Variants in DMD observed in about 807,000 individuals in gnomAD.
DMD encodes the protein mutant dystrophin.
A neutral mutation model predicts 330.1 loss-of-function variants in DMD; 63 were observed. That is an observed-to-expected ratio of 0.19 (90% CI 0.16 to 0.24). The LOEUF (loss-of-function observed/expected upper bound fraction) is 0.24, where lower values mean the gene tolerates loss of function less well. Among genes scored for constraint, DMD ranks in the 10% least tolerant of loss-of-function variants. The pLI is 1.00. For missense variants in DMD, 3,344 were observed against 2,684.1 expected, an observed-to-expected ratio of 1.25 and a Z score of -5.43; for synonymous variants, 1,223 against 959.8, an observed-to-expected ratio of 1.27 and a Z score of -5.07.
At chrX:32,158,649 C>A (rs1011400971) in intron 44 of DMD, among the ~76,000 whole-genome samples, 7 of 110,950 alleles carry the variant, frequency 6.3e-5, no homozygotes, top group Non-Finnish European at 9.4e-5. Context: ...TCTACCCAAC[C>A]GTCAATTACT....
intron 17 of DMD, among the ~76,000 whole-genome samples, chrX:32,537,356 A>G (rs1271031184): frequency 9.0e-6 from 1 of 111,631 alleles, no homozygotes; most frequent in Non-Finnish European, 1.9e-5. Context: ...TATTTCCCCA[A>G]AAAATAAAGC....
intron 7 of DMD, among the ~76,000 whole-genome samples, chrX:32,719,891 A>C (rs1176141089): frequency 9.1e-6 from 1 of 110,169 alleles, no homozygotes; most frequent in East Asian, 2.9e-4. Flanking sequence ...CTATCATATA[A>C]TACGTTGTTA....
chrX:33,064,602 T>C (rs747161821), intron 1 of DMD, among the ~76,000 whole-genome samples: 10 of 112,240 alleles, frequency 8.9e-5, no homozygotes, highest in South Asian at 3.7e-4. Context: ...TTAAAATGCA[T>C]TGATGGCCAG....
chrX:33,248,200 C>G (rs1366132626), intron 1 of DMD, among the ~76,000 whole-genome samples: 2 of 110,302 alleles, frequency 1.8e-5, no homozygotes, highest in Admixed American at 9.7e-5. Context: ...CGCCACCACG[C>G]CTGACTAATT....
At chrX:32,503,017 T>G (rs2044218745) in intron 18 of DMD, among the ~76,000 whole-genome samples, 1 of 112,161 alleles carries the variant, frequency 8.9e-6, no homozygotes, top group Non-Finnish European at 1.9e-5. Flanking sequence ...TTTTATTTAT[T>G]TTAAATAATT....
chrX:33,154,002 C>T (rs1406597922), intron 1 of DMD, among the ~76,000 whole-genome samples: 1 of 112,323 alleles, frequency 8.9e-6, no homozygotes, highest in Non-Finnish European at 1.9e-5. Flanking sequence ...CTAAAAATAT[C>T]AGCTGTGTTA....
intron 47 of DMD, among the ~76,000 whole-genome samples, chrX:31,925,175 T>A (rs1045708682): frequency 1.8e-5 from 2 of 112,000 alleles, no homozygotes; most frequent in Admixed American, 1.9e-4. Context: ...ATATAGTTTT[T>A]TTAAAAGAAA....
intron 2 of DMD, among the ~76,000 whole-genome samples, chrX:32,939,982 C>A (rs2090290437): frequency 9.0e-6 from 1 of 111,103 alleles, no homozygotes; most frequent in African/African-American, 3.3e-5. Flanking sequence ...AAATGTTATT[C>A]CTATCAAACC....
chrX:32,274,749 G>A (rs191021615), intron 43 of DMD, among the ~76,000 whole-genome samples: 29 of 111,926 alleles, frequency 2.6e-4, no homozygotes, highest in African/African-American at 7.8e-4. Flanking sequence ...TAATTTAGAC[G>A]GTATAGTGTG....
At chrX:32,312,499 A>G (rs1242314401) in intron 41 of DMD, among the ~76,000 whole-genome samples, 1 of 110,891 alleles carries the variant, frequency 9.0e-6, no homozygotes, top group Non-Finnish European at 1.9e-5. Flanking sequence ...AGAAAAAGAC[A>G]CTCAAAATAT....
At chrX:32,386,236 T>C (rs1352725408) in intron 33 of DMD, 74 bp downstream of exon 33, 33 of 1,126,284 alleles carry the variant, frequency 2.9e-5, no homozygotes, top group Non-Finnish European at 4.0e-5. Flanking sequence ...TAATCATACA[T>C]AATTTATTGC....
At chrX:32,697,237 G>A (rs1249682289) in intron 9 of DMD, among the ~76,000 whole-genome samples, 1 of 111,453 alleles carries the variant, frequency 9.0e-6, no homozygotes, top group South Asian at 3.8e-4. Flanking sequence ...TTGAAAGGGT[G>A]GAAAACTCCA....
At chrX:32,962,289 G>A (rs2147050947) in intron 2 of DMD, among the ~76,000 whole-genome samples, 1 of 112,006 alleles carries the variant, frequency 8.9e-6, no homozygotes, top group Non-Finnish European at 1.9e-5. Flanking sequence ...TTATGCTTTT[G>A]AGTTCTATTG....
chrX:33,060,218 T>C (rs1380960944), intron 1 of DMD, among the ~76,000 whole-genome samples: 1 of 110,430 alleles, frequency 9.1e-6, no homozygotes, highest in Non-Finnish European at 1.9e-5. Context: ...TAGGGGTCAG[T>C]GGATGGAAAA....
At chrX:33,099,067 A>G (rs1391410833) in intron 1 of DMD, among the ~76,000 whole-genome samples, 1 of 112,421 alleles carries the variant, frequency 8.9e-6, no homozygotes, top group Non-Finnish European at 1.9e-5. Context: ...AACTAAGAAC[A>G]TAAAGTACAT....
chrX:32,670,527 C>G (rs751524159), intron 9 of DMD, among the ~76,000 whole-genome samples: 12 of 111,448 alleles, frequency 1.1e-4, no homozygotes, highest in Non-Finnish European at 1.9e-4. Flanking sequence ...TGGTGGTAAA[C>G]CTCATAAATA....
intron 1 of DMD, among the ~76,000 whole-genome samples, chrX:33,331,382 G>A (rs1156824243): frequency 1.8e-5 from 2 of 111,782 alleles, no homozygotes; most frequent in East Asian, 5.6e-4. Flanking sequence ...TAGCATTAGT[G>A]TCACTTTCAA....
intron 34 of DMD, among the ~76,000 whole-genome samples, chrX:32,369,445 C>T (rs889442736): frequency 1.2e-4 from 13 of 111,468 alleles, no homozygotes; most frequent in African/African-American, 4.2e-4. Context: ...GCTCACTTCA[C>T]TGATACAGTA....
rs770993737 is a variant in DMD, at chrX:32,624,452, TAG to T, written c.1332-10001_1332-10000del. On this transcript the variant is annotated intron_variant, in intron 11 of 78. Coordinates refer to ENST00000357033, the MANE Select transcript of DMD (RefSeq NM_004006.3). ...GTAAGAACTTGGAACTTTGGCAACA[TAG>T]AGTTACAGACCTAATGGTCTCTAGC... Among the ~76,000 whole-genome samples the T allele has an allele frequency of 1.2e-4, 13 of 112,071 alleles. No individual in the cohort carries two copies. In the South Asian group the frequency reaches 4.9e-3, roughly 42 times the overall value.
Sources: allele counts gnomAD v4.1 joint callset (sites outside exome capture counted in the v4.1 genomes callset), GRCh38; gene constraint gnomAD v4.1.1; transcripts MANE v1.5; gene names NCBI Gene and HGNC (gene_info 2026-07-23, HGNC 2026-07-21).